The following SRRM3 variants were observed in gnomAD, a reference collection of about 807,000 sequenced individuals.
SRRM3 encodes the protein serine/arginine repetitive matrix protein 3.
In SRRM3, 27 loss-of-function variants were observed where a neutral mutation model predicts 66.2. The observed-to-expected ratio is 0.41, with a 90% CI of 0.30 to 0.56. SRRM3 has a LOEUF of 0.56. Among genes scored for constraint, SRRM3 ranks in the 20% least tolerant of loss-of-function variants. The pLI, the probability that SRRM3 is intolerant of heterozygous loss-of-function variation, is 0.32. For synonymous variants in SRRM3, 391 were observed against 414.9 expected (o/e 0.94, Z 0.70); for missense variants, 918 against 991.9 (o/e 0.93, Z 1.00).
At chr7:76,252,348 G>A (rs1801600645) in intron 3 of SRRM3, among the ~76,000 whole-genome samples, 1 of 152,182 alleles carries the variant, frequency 6.6e-6, no homozygotes, top group African/African-American at 2.4e-5. Context: ...TTGAGACAGA[G>A]TCTCACTCTG....
At chr7:76,217,174 C>T (rs1583872151) in intron 1 of SRRM3, among the ~76,000 whole-genome samples, 1 of 152,212 alleles carries the variant, frequency 6.6e-6, no homozygotes, top group Admixed American at 6.5e-5. Context: ...TAGTCTTGCA[C>T]TTCCAGGGAC....
At chr7:76,242,845 G>A (rs1301271535) in intron 2 of SRRM3, among the ~76,000 whole-genome samples, 1 of 152,154 alleles carries the variant, frequency 6.6e-6, no homozygotes, top group Non-Finnish European at 1.5e-5. Context: ...AGCTCAGGTG[G>A]TAATGGGAGT....
intron 1 of SRRM3, among the ~76,000 whole-genome samples, chr7:76,219,793 C>A (rs1800664997): frequency 6.6e-6 from 1 of 152,064 alleles, no homozygotes. Context: ...GCCTGTAATC[C>A]CAGCTACTTG....
chr7:76,230,069 T>C (rs1476038832), intron 1 of SRRM3, among the ~76,000 whole-genome samples: 2 of 152,060 alleles, frequency 1.3e-5, no homozygotes, highest in African/African-American at 2.4e-5. Flanking sequence ...ATTCTTCCAA[T>C]GTCTCCGGCT....
At chr7:76,216,405 G>A (rs2116951189) in intron 1 of SRRM3, among the ~76,000 whole-genome samples, 1 of 152,332 alleles carries the variant, frequency 6.6e-6, no homozygotes, top group Admixed American at 6.5e-5. Flanking sequence ...ACAAAGTGCT[G>A]GGATTACATG....
rs1802441105 is a variant in SRRM3 at position 76,279,453 on chromosome 7, T to G, written c.1009-1988T>G. 6.0e-5 allele frequency among the ~76,000 whole-genome samples: 9 copies of G among 150,174 alleles called. No individual in the cohort carries two copies. The South Asian group carries it at 1.9e-3, about 32-fold the overall frequency. On this transcript the variant is annotated intron_variant, in intron 11 of 14. Coordinates refer to ENST00000611745, the MANE Select transcript of SRRM3 (RefSeq NM_001110199.3). ...GAGGTGCTAAAAGTCAAGTTGGTAGTGGTGATCGGAGGATTTTCGGGGAGG... is the reference window on the plus strand; with the variant it reads ...GAGGTGCTAAAAGTCAAGTTGGTAGGGGTGATCGGAGGATTTTCGGGGAGG...
At chr7:76,283,520 C>G (rs1554612329) in intron 14 of SRRM3, 1 of 450,748 alleles carries the variant, frequency 2.2e-6, no homozygotes, top group African/African-American at 2.0e-5. Flanking sequence ...TCCTTCATCT[C>G]AAGGTCCAGC....
chr7:76,208,507 A>G (rs1156571605), intron 1 of SRRM3, among the ~76,000 whole-genome samples: 7 of 89,250 alleles, frequency 7.8e-5, no homozygotes, highest in African/African-American at 2.0e-4. Flanking sequence ...TATCTCTACA[A>G]AAAAAAAAAG....
At chr7:76,208,705 G>A (rs1376887959) in intron 1 of SRRM3, among the ~76,000 whole-genome samples, 2 of 151,714 alleles carry the variant, frequency 1.3e-5, no homozygotes, top group Admixed American at 1.3e-4. Context: ...CCTGGTGGAG[G>A]GTGACTGTAA....
intron 11 of SRRM3, among the ~76,000 whole-genome samples, chr7:76,277,351 G>A (rs1053674453): frequency 1.3e-5 from 2 of 152,128 alleles, no homozygotes; most frequent in Non-Finnish European, 2.9e-5. Context: ...GACCCATCAC[G>A]GCCTGTGGTC....
At chr7:76,232,215 AC>A (rs1801033772) in intron 1 of SRRM3, among the ~76,000 whole-genome samples, 1 of 152,056 alleles carries the variant, frequency 6.6e-6, no homozygotes, top group Non-Finnish European at 1.5e-5. Context: ...AGACCTTTGA[AC>A]CCACAGCAAC....
chr7:76,247,939 C>A (rs1801481932), intron 2 of SRRM3, among the ~76,000 whole-genome samples: 1 of 152,178 alleles, frequency 6.6e-6, no homozygotes, highest in Non-Finnish European at 1.5e-5. Context: ...AGGTGATCTG[C>A]CTGCCTCGGA....
At chr7:76,217,758 T>G (rs1477367490) in intron 1 of SRRM3, among the ~76,000 whole-genome samples, 1 of 152,094 alleles carries the variant, frequency 6.6e-6, no homozygotes, top group Non-Finnish European at 1.5e-5. Flanking sequence ...AATGAGGCAG[T>G]TCTGGCCCTT....
chr7:76,276,698 G>A (rs1802356035), intron 11 of SRRM3, among the ~76,000 whole-genome samples: 1 of 152,248 alleles, frequency 6.6e-6, no homozygotes, highest in Non-Finnish European at 1.5e-5. Flanking sequence ...GGAAGCATGA[G>A]ACCCAGCCAA....
intron 1 of SRRM3, among the ~76,000 whole-genome samples, chr7:76,212,854 C>T (rs1379389138): frequency 6.6e-6 from 1 of 152,000 alleles, no homozygotes; most frequent in Non-Finnish European, 1.5e-5. Context: ...CATGTGGTTC[C>T]CTTCGCCTGG....
At chr7:76,216,006 A>G (rs1554602551) in intron 1 of SRRM3, among the ~76,000 whole-genome samples, 1 of 147,870 alleles carries the variant, frequency 6.8e-6, no homozygotes, top group African/African-American at 2.5e-5. Flanking sequence ...ACGGGGTTTC[A>G]CCGTGTTAGT....
intron 1 of SRRM3, among the ~76,000 whole-genome samples, chr7:76,232,710 G>A (rs1801044598): frequency 6.6e-6 from 1 of 152,192 alleles, no homozygotes; most frequent in Non-Finnish European, 1.5e-5. Flanking sequence ...CTGGAGCCAA[G>A]AGAGGTAGAG....
At chr7:76,242,791 C>T (rs1269480798) in intron 2 of SRRM3, among the ~76,000 whole-genome samples, 4 of 152,144 alleles carry the variant, frequency 2.6e-5, no homozygotes, top group Non-Finnish European at 5.9e-5. Flanking sequence ...AGGGTTCCCA[C>T]TCCTATGAGA....
intron 1 of SRRM3, among the ~76,000 whole-genome samples, chr7:76,220,896 C>T (rs1554603104): frequency 6.6e-6 from 1 of 152,128 alleles, no homozygotes; most frequent in East Asian, 1.9e-4. Flanking sequence ...GTTCCCCTCC[C>T]CCCACCGCGT....
Sources: allele counts gnomAD v4.1 joint callset (sites outside exome capture counted in the v4.1 genomes callset), GRCh38; gene constraint gnomAD v4.1.1; transcripts MANE v1.5; gene names NCBI Gene and HGNC (gene_info 2026-07-23, HGNC 2026-07-21).